Variants in B3GNT7 observed in about 807,000 individuals in gnomAD.
The protein encoded by B3GNT7 is UDP-GlcNAc:betaGal beta-1,3-N-acetylglucosaminyltransferase 7.
B3GNT7 carries 9 observed loss-of-function variants against 5.1 expected under a neutral mutation model. The ratio of observed to expected loss-of-function variants is 1.77; its 90% CI spans 1.07 to 3.09. B3GNT7 has a LOEUF of 3.09. Among genes scored for constraint, B3GNT7 ranks in the 30% most tolerant of loss-of-function variants. The pLI is 0.00. For synonymous variants in B3GNT7, 253 were observed against 248.6 expected (o/e 1.02, Z -0.17); for missense variants, 468 against 550.8 (o/e 0.85, Z 1.50).
In B3GNT7 at chr2:231,400,958, C is replaced by G. The variant is rs1164390349; in HGVS notation, c.*2033C>G. 6.6e-6 allele frequency: 1 copy of G among 152,226 alleles called. No homozygotes were observed. Among genetic ancestry groups the G allele is most frequent in the Non-Finnish European group, 1.5e-5 (1 of 68,052 alleles). The allele number at this position is 152,226 out of a possible 1,614,324, so 9.4% of individuals were successfully genotyped here. On this transcript the variant is annotated 3_prime_UTR_variant, in exon 2 of 2. Transcript: ENST00000287590. ...ATCCCAGACATTGTGTGAGAAAGCA[C>G]CGTAAAACTTTTTGTCCTATTAGCT...
In B3GNT7 at chr2:231,398,100, G is replaced by A. The variant is rs755502756; in HGVS notation, c.381G>A (p.Pro127=). ...CRYFPMLLNH[P]EKCRGDVYLL... ...ACTTCCCCATGCTGCTGAACCACCC[G>A]GAGAAGTGCAGGGGCGATGTCTACC... The change falls in exon 2 of 2, where the codon CCG becomes CCA. Residue 127 remains proline, a synonymous_variant. Transcript: ENST00000287590. 64 of 1,612,032 alleles carry A rather than the reference G, an allele frequency of 4.0e-5. No homozygotes were observed. Among genetic ancestry groups the A allele is most frequent in the Admixed American group, 2.8e-4 (17 of 59,976 alleles).
At chr2:231,396,829 G>A (rs1364170815) in intron 1 of B3GNT7, among the ~76,000 whole-genome samples, 2 of 149,386 alleles carry the variant, frequency 1.3e-5, no homozygotes, top group African/African-American at 2.4e-5. Context: ...GGCTTGGGAC[G>A]ACCAGCACTC....
In B3GNT7 at chr2:231,400,966, CT is replaced by C. The variant is rs1318348470; in HGVS notation, c.*2046del. The C allele has an allele frequency of 8.5e-5, 13 of 152,324 alleles. No individual in the cohort carries two copies. Among genetic ancestry groups the C allele is most frequent in the African/African-American group, 3.1e-4 (13 of 41,554 alleles). 9.4% of individuals were successfully genotyped at this position (152,324 alleles called of 1,614,324 possible). ...CATTGTGTGAGAAAGCACCGTAAAA[CT>C]TTTTGTCCTATTAGCTGATGTGTGT... On this transcript the variant is annotated 3_prime_UTR_variant, in exon 2 of 2. Transcript: ENST00000287590.
In B3GNT7 at chr2:231,398,970, C is replaced by T. The variant is rs573406593; in HGVS notation, c.*45C>T. Reference sequence around the variant, plus strand: ...ACAGGCCAGGGCACTTGCTCCTGAGCCCCCATGGTATTGGGGCTGGAGCCA... The same window carrying T: ...ACAGGCCAGGGCACTTGCTCCTGAGTCCCCATGGTATTGGGGCTGGAGCCA... On this transcript the variant is annotated 3_prime_UTR_variant, in exon 2 of 2. Transcript: ENST00000287590. The T allele has an allele frequency of 2.7e-6, 4 of 1,486,532 alleles. No individual in the cohort carries two copies. The South Asian group carries it at 3.7e-5, about 14-fold the overall frequency. The allele number at this position is 1,486,532 out of a possible 1,614,324, so 92.1% of individuals were successfully genotyped here.
At chr2:231,397,264 C>G in intron 1 of B3GNT7, 1 of 988,422 alleles carries the variant, frequency 1.0e-6, no homozygotes, top group South Asian at 4.7e-5. Context: ...ATACCGATAC[C>G]TACTGCTGTG....
At chr2:231,397,677 G>A in intron 1 of B3GNT7, 54 bp from the exon 2 acceptor site, 1 of 1,488,432 alleles carries the variant, frequency 6.7e-7, no homozygotes, top group Non-Finnish European at 9.0e-7. Context: ...GGCGCCAGGA[G>A]AGCCCTGGGC....
In B3GNT7 at chr2:231,400,259, G is replaced by T. The variant is rs1005132084; in HGVS notation, c.*1334G>T. On this transcript the variant is annotated 3_prime_UTR_variant, in exon 2 of 2. Coordinates refer to ENST00000287590, the MANE Select transcript of B3GNT7 (RefSeq NM_145236.3). ...GACTTCTGGAAGGGATTTAGACGGG[G>T]CTGAGTGCTAGGATTAAAGTGGGGA... The T allele has an allele frequency of 1.3e-5, 2 of 152,112 alleles. No homozygotes were observed. The highest frequency in any genetic ancestry group is 2.4e-5 in the African/African-American group (1 of 41,392). The allele number at this position is 152,112 out of a possible 1,614,324, so 9.4% of individuals were successfully genotyped here.
At position 231,395,856 on chromosome 2, in the gene B3GNT7, TGGGCCCG is replaced by T; in HGVS notation, c.11+47_11+53del. 8.9e-7 allele frequency: 1 copy of T among 1,124,566 alleles called. No individual in the cohort carries two copies. Among genetic ancestry groups the T allele is most frequent in the Non-Finnish European group, 1.1e-6 (1 of 911,576 alleles). The allele number at this position is 1,124,566 out of a possible 1,614,324, so 69.7% of individuals were successfully genotyped here. Reference sequence around the variant, plus strand: ...GCCGTCGGGGGCCTGGGCGGGGGCGTGGGCCCGGGGCTCCCCCTCCTCCGTGGCCACA... The same window carrying T: ...GCCGTCGGGGGCCTGGGCGGGGGCGTGGGCTCCCCCTCCTCCGTGGCCACA... On this transcript the variant is annotated intron_variant, in intron 1 of 1. Coordinates refer to ENST00000287590, the MANE Select transcript of B3GNT7 (RefSeq NM_145236.3). This position sits in a 1 kb window ranked among gnomAD's most constrained non-coding sequence, Gnocchi z 7.3.
At position 231,395,921 on chromosome 2, in the gene B3GNT7, C is replaced by A. The variant is rs970995311; in HGVS notation, c.11+107C>A. The A allele has an allele frequency of 1.2e-5, 9 of 755,894 alleles. No individual in the cohort carries two copies. Among genetic ancestry groups the A allele is most frequent in the Non-Finnish European group, 1.5e-5 (9 of 584,740 alleles). 46.8% of individuals were successfully genotyped at this position (755,894 alleles called of 1,614,324 possible). A position where few individuals can be genotyped will look rare whatever the true frequency, so the allele number is the denominator to read the frequency against. ...GCCGGGACTCCCGGGATAGGAGATG[C>A]CCCCGCGCGCGCCGCGCCGGCCTCA... On this transcript the variant is annotated intron_variant, in intron 1 of 1. Transcript: ENST00000287590. The surrounding 1 kb of genome is among the most constrained non-coding windows in gnomAD (Gnocchi z 7.3).
rs780102292 is a variant in B3GNT7, at chr2:231,398,986, G to A, written c.*61G>A. The stretch of plus-strand genomic sequence containing the variant: ...GCTCCTGAGCCCCCATGGTATTGGG[G>A]CTGGAGCCACAGTGCCCAGGCCTAG... On this transcript the variant is annotated 3_prime_UTR_variant, in exon 2 of 2. Transcript: ENST00000287590. The A allele has an allele frequency of 7.0e-7, 1 of 1,424,750 alleles. No individual in the cohort carries two copies. The highest frequency in any genetic ancestry group is 1.3e-5 in the South Asian group (1 of 74,826). The allele number at this position is 1,424,750 out of a possible 1,614,324, so 88.3% of individuals were successfully genotyped here. A position where few individuals can be genotyped will look rare whatever the true frequency, so the allele number is the denominator to read the frequency against.
At position 231,398,582 on chromosome 2, in the gene B3GNT7, T is replaced by C; in HGVS notation, c.863T>C (p.Leu288Pro). ...KDNKYYIPGA[L>P]YGKASYPPYA... The stretch of plus-strand genomic sequence containing the variant: ...AACAAATACTACATCCCGGGGGCCC[T>C]GTACGGCAAGGCCAGCTATCCGCCG... The change falls in exon 2 of 2, where the codon CTG becomes CCG. Residue 288 changes from leucine (L) to proline (P), a missense_variant. By Grantham distance (98) the Leu-to-Pro change is moderately conservative. Transcript: ENST00000287590. 1 of 1,612,852 alleles carries C rather than the reference T, an allele frequency of 6.2e-7. No homozygotes were observed. Among genetic ancestry groups the C allele is most frequent in the East Asian group, 2.2e-5 (1 of 44,866 alleles).
rs2125613838 is a variant in B3GNT7 at position 231,398,643 on chromosome 2, C to T, written c.924C>T (p.Ser308=). 2 of 1,611,986 alleles carry T rather than the reference C, an allele frequency of 1.2e-6. No homozygotes were observed. Among genetic ancestry groups the T allele is most frequent in the South Asian group, 2.2e-5 (2 of 91,022 alleles). ...GCGGTGGCTTCCTCATGGCCGGCAGCCTGGCCCGGCGCCTGCACCATGCCT... is the reference window on the plus strand; with the variant it reads ...GCGGTGGCTTCCTCATGGCCGGCAGTCTGGCCCGGCGCCTGCACCATGCCT... ...AGGGGFLMAG[S]LARRLHHACD... Residue 308 remains serine (S), a synonymous_variant, in exon 2 of 2, where the codon AGC becomes AGT. Transcript: ENST00000287590.
rs1262324395 is a variant in B3GNT7 at position 231,398,597 on chromosome 2, G to A, written c.878G>A (p.Ser293Asn). The change falls in exon 2 of 2, where the codon AGC becomes AAC. Residue 293 changes from serine to asparagine, a missense_variant. Transcript: ENST00000287590. ...YIPGALYGKA[S>N]YPPYAGGGGF... is the part of the protein sequence containing the mutation. ...CCGGGGGCCCTGTACGGCAAGGCCA[G>A]CTATCCGCCGTATGCAGGCGGCGGT... 1 of 1,612,610 alleles carries A rather than the reference G, an allele frequency of 6.2e-7. No homozygotes were observed. Among genetic ancestry groups the A allele is most frequent in the African/African-American group, 1.3e-5 (1 of 74,940 alleles).
Position 231,398,865 on chromosome 2 carries a change from C to CACA in B3GNT7, c.1146_1147insACA (p.Leu382_Ala383insThr). The stretch of plus-strand genomic sequence containing the variant: ...ACAAGCTGCTGCCCCCTGAGCTGCT[C>CACA]GCCATGTGGGGGCTGGTGCACAGCA... On this transcript the variant is annotated inframe_insertion, in exon 2 of 2. Coordinates refer to ENST00000287590, the MANE Select transcript of B3GNT7 (RefSeq NM_145236.3). 1.3e-6 allele frequency: 2 copies of CACA among 1,598,672 alleles called. No homozygotes were observed. Among genetic ancestry groups the CACA allele is most frequent in the Non-Finnish European group, 1.7e-6 (2 of 1,179,124 alleles).
Position 231,398,567 on chromosome 2 carries a change from A to T in B3GNT7, c.848A>T (p.Tyr283Phe), listed in dbSNP as rs912791767. The change falls in exon 2 of 2, where the codon TAC becomes TTC. Residue 283 changes from tyrosine to phenylalanine, a missense_variant. Coordinates refer to ENST00000287590, the MANE Select transcript of B3GNT7 (RefSeq NM_145236.3). Reference protein sequence around the residue: ...RPIRRKDNKYYIPGALYGKAS... With the variant: ...RPIRRKDNKYFIPGALYGKAS... ...ATTCGCAGGAAAGACAACAAATACT[A>T]CATCCCGGGGGCCCTGTACGGCAAG... 27 of 1,612,976 alleles carry T rather than the reference A, an allele frequency of 1.7e-5. No homozygotes were observed. The highest frequency in any genetic ancestry group is 2.0e-5 in the Non-Finnish European group (24 of 1,179,612).
Position 231,398,833 on chromosome 2 carries a change from G to C in B3GNT7, c.1114G>C (p.Val372Leu), listed in dbSNP as rs754813612. Residue 372 changes from valine (V) to leucine (L), a missense_variant, in exon 2 of 2, where the codon GTG (valine) becomes CTG (leucine). By Grantham distance (32) the Val-to-Leu change is conservative. Coordinates refer to ENST00000287590, the MANE Select transcript of B3GNT7 (RefSeq NM_145236.3). ...GCCGTGCTTTTTCCGCGCCATGCTCGTGGTGCACAAGCTGCTGCCCCCTGA... is the reference window on the plus strand; with the variant it reads ...GCCGTGCTTTTTCCGCGCCATGCTCCTGGTGCACAAGCTGCTGCCCCCTGA... ...KEPCFFRAML[V>L]VHKLLPPELL... is the part of the protein sequence containing the mutation. 3 of 1,602,670 alleles carry C rather than the reference G, an allele frequency of 1.9e-6. No homozygotes were observed. Among genetic ancestry groups the C allele is most frequent in the Non-Finnish European group, 1.7e-6 (2 of 1,179,730 alleles).
At chr2:231,396,433 A>T (rs1267485848) in intron 1 of B3GNT7, among the ~76,000 whole-genome samples, 1 of 151,734 alleles carries the variant, frequency 6.6e-6, no homozygotes, top group Non-Finnish European at 1.5e-5. Context: ...GGAGAGCTGG[A>T]CCTTGGGTCA....
At chr2:231,396,206 C>T (rs1197250394) in intron 1 of B3GNT7, among the ~76,000 whole-genome samples, 2 of 152,102 alleles carry the variant, frequency 1.3e-5, no homozygotes, top group East Asian at 1.9e-4. Flanking sequence ...GGCTTCCTTC[C>T]GCGGGACCTC....
Position 231,397,893 on chromosome 2 carries a change from C to T in B3GNT7, c.174C>T (p.Pro58=). Reference sequence around the variant, plus strand: ...AGCCAAATGGACAGCTGGTGAACCCCAACAACTTCTGGAAGAACCCGAAAG... The same window carrying T: ...AGCCAAATGGACAGCTGGTGAACCCTAACAACTTCTGGAAGAACCCGAAAG... ...AQKPNGQLVN[P]NNFWKNPKDV... Residue 58 remains proline (P), a synonymous_variant, in exon 2 of 2, where the codon CCC becomes CCT. Transcript: ENST00000287590. The T allele has an allele frequency of 6.2e-7, 1 of 1,613,848 alleles. No individual in the cohort carries two copies. The highest frequency in any genetic ancestry group is 8.5e-7 in the Non-Finnish European group (1 of 1,179,884).
Sources: gnomAD v4.1 joint callset for allele counts (sites outside exome capture counted in the v4.1 genomes callset) on GRCh38, gnomAD v4.1.1 for gene constraint, Gnocchi (gnomAD v3.1) non-coding constraint, MANE v1.5 for transcripts, NCBI Gene and HGNC (gene_info 2026-07-23, HGNC 2026-07-21) for gene names.